The following BOD1L1 variants were observed in gnomAD, a reference collection of about 807,000 sequenced individuals.
BOD1L1 encodes the protein biorientation of chromosomes in cell division 1 like 1.
BOD1L1 carries 86 observed loss-of-function variants against 240.7 expected under a neutral mutation model. The observed-to-expected ratio is 0.36, with a 90% CI of 0.30 to 0.43. The LOEUF (loss-of-function observed/expected upper bound fraction) is 0.43. Among genes scored for constraint, BOD1L1 ranks in the 20% least tolerant of loss-of-function variants. The pLI is 1.00. For missense variants in BOD1L1, 3,554 were observed against 3,643.5 expected (o/e 0.98, Z 0.63); for synonymous variants, 1,268 against 1,272.3 (o/e 1.00, Z 0.07).
intron 10 of BOD1L1, among the ~76,000 whole-genome samples, chr4:13,598,396 G>A (rs570570656): frequency 1.3e-5 from 2 of 152,096 alleles, no homozygotes; most frequent in South Asian, 2.1e-4. Context: ...GGTTGGAATC[G>A]TGTTTGCCTT....
intron 2 of BOD1L1, among the ~76,000 whole-genome samples, chr4:13,616,140 T>C (rs1324417663): frequency 6.6e-6 from 1 of 152,240 alleles, no homozygotes; most frequent in Non-Finnish European, 1.5e-5. Flanking sequence ...ACAGGCACTA[T>C]GCTGGCCACT....
chr4:13,599,535 G>T lies in BOD1L1; in HGVS notation c.7365C>A (p.His2455Gln). Residue 2455 changes from histidine to glutamine, a missense_variant, in exon 10 of 26, where the codon CAC becomes CAA. This residue lies in a region of BOD1L1 where 3,393 missense variants were observed against 3,427.1 expected (regional missense o/e 0.99). Coordinates refer to ENST00000040738, the MANE Select transcript of BOD1L1 (RefSeq NM_148894.3). ...AGRGQKESTL[H>Q]LINAEEKNVL... The stretch of plus-strand genomic sequence containing the variant: ...CATTCTTCTCTTCTGCATTTATGAG[G>T]TGTAAAGTGCTCTCTTTCTGTCCTC... 6.2e-7 allele frequency: 1 copy of T among 1,613,978 alleles called. No homozygotes were observed. Among genetic ancestry groups the T allele is most frequent in the East Asian group, 2.2e-5 (1 of 44,878 alleles).
At chr4:13,573,120 C>A (rs919230336) in intron 25 of BOD1L1, among the ~76,000 whole-genome samples, 1 of 151,834 alleles carries the variant, frequency 6.6e-6, no homozygotes, top group Non-Finnish European at 1.5e-5. Flanking sequence ...ATATACTGGC[C>A]GACAAAATAA....
At position 13,599,492 on chromosome 4, in the gene BOD1L1, G is replaced by T. The variant is rs1443776141; in HGVS notation, c.7408C>A (p.Gln2470Lys). ...EEKNVLLNSL[Q>K]KEDKSPETGT... ...GTCTCTGGGCTCTTATCTTCTTTCT[G>T]AAGGGAGTTCAACAATACATTCTTC... Residue 2470 changes from glutamine to lysine, a missense_variant, in exon 10 of 26, where the codon CAG (glutamine) becomes AAG (lysine). Physicochemically the swap from Gln to Lys is moderately conservative, Grantham distance 53. This residue lies in a region of BOD1L1 where 3,393 missense variants were observed against 3,427.1 expected (regional missense o/e 0.99). Coordinates refer to ENST00000040738, the MANE Select transcript of BOD1L1 (RefSeq NM_148894.3). 1.2e-6 allele frequency: 2 copies of T among 1,613,994 alleles called. No individual in the cohort carries two copies. Among genetic ancestry groups the T allele is most frequent in the Non-Finnish European group, 1.7e-6 (2 of 1,179,882 alleles).
In BOD1L1 at chr4:13,614,305, T is replaced by G; in HGVS notation, c.1065A>C (p.Thr355=). ...CTTGTTTTTCATCTTTAACTTTCTG[T>G]GTATCTTCACTCTTTTTTGAGTGAT... ...KFDHSKKSED[T]QKVKDEKQAK... Residue 355 remains threonine, a synonymous_variant, in exon 4 of 26, where the codon ACA becomes ACC. Transcript: ENST00000040738. 6.5e-7 allele frequency: 1 copy of G among 1,549,808 alleles called. No individual in the cohort carries two copies. Among genetic ancestry groups the G allele is most frequent in the Non-Finnish European group, 8.7e-7 (1 of 1,146,626 alleles).
intron 1 of BOD1L1, chr4:13,624,959 A>C (rs935572840): frequency 2.0e-5 from 3 of 152,296 alleles, no homozygotes; most frequent in African/African-American, 7.2e-5. Flanking sequence ...ATGAACAGGG[A>C]ATCTTCTACT....
At position 13,603,291 on chromosome 4, in the gene BOD1L1, C is replaced by G; in HGVS notation, c.3609G>C (p.Leu1203Phe). 6.2e-7 allele frequency: 1 copy of G among 1,613,944 alleles called. No individual in the cohort carries two copies. The highest frequency in any genetic ancestry group is 2.2e-5 in the East Asian group (1 of 44,876). ...SEKHADHRST[L>F]TKKMHIQSAV... ...CACTTTGTATATGCATTTTCTTGGT[C>G]AAGGTGCTTCTATGATCGGCATGCT... Residue 1203 changes from leucine (L) to phenylalanine (F), a missense_variant, in exon 10 of 26, where the codon TTG becomes TTC. Physicochemically the swap from Leu to Phe is conservative, Grantham distance 22. Coordinates refer to ENST00000040738, the MANE Select transcript of BOD1L1 (RefSeq NM_148894.3).
At chr4:13,587,883 T>G in intron 15 of BOD1L1, 112 bp from the exon 16 acceptor site, 1 of 750,788 alleles carries the variant, frequency 1.3e-6, no homozygotes. Flanking sequence ...TATATAAATT[T>G]TTTAAAAATC....
Position 13,620,026 on chromosome 4 carries a change from A to C in BOD1L1, c.285T>G (p.Val95=). Residue 95 remains valine (V), a synonymous_variant, in exon 2 of 26, where the codon GTT becomes GTG. Transcript: ENST00000040738. ...ATGTGTGAGTTGCCAAGTGATTTGC[A>C]ACAAAGTTGTCAACACGCTGTCTCA... The part of the protein sequence containing the change: ...QNLRQRVDNF[V]ANHLATHTWS... The C allele has an allele frequency of 6.2e-7, 1 of 1,610,612 alleles. No homozygotes were observed. The highest frequency in any genetic ancestry group is 8.5e-7 in the Non-Finnish European group (1 of 1,178,160).
In BOD1L1 at chr4:13,583,319, T is replaced by C. The variant is rs141898252; in HGVS notation, c.8434-583A>G. Among the ~76,000 whole-genome samples, 802 of 152,296 alleles carry C rather than the reference T, an allele frequency of 5.3e-3. 7 individuals are homozygous for C. The highest frequency in any genetic ancestry group is 5.2e-3 in the Non-Finnish European group (351 of 68,022). Reference sequence around the variant, plus strand: ...AAAGTAGAATAAGATCAAGATGAAATAGGAAACTAAAGCTTTAATTTTACT... The same window carrying C: ...AAAGTAGAATAAGATCAAGATGAAACAGGAAACTAAAGCTTTAATTTTACT... On this transcript the variant is annotated intron_variant, in intron 17 of 25. Coordinates refer to ENST00000040738, the MANE Select transcript of BOD1L1 (RefSeq NM_148894.3).
chr4:13,600,099 T>C lies in BOD1L1; in HGVS notation c.6801A>G (p.Pro2267=), dbSNP rs1417897431. The C allele has an allele frequency of 6.2e-7, 1 of 1,613,832 alleles. No homozygotes were observed. Among genetic ancestry groups the C allele is most frequent in the Admixed American group, 1.7e-5 (1 of 60,010 alleles). Residue 2267 remains proline (P), a synonymous_variant, in exon 10 of 26, where the codon CCA becomes CCG. Transcript: ENST00000040738. ...STSSVEDCEG[P]VSSAVPQEEG... ...CCTCTTGAGGGACAGCACTGGACACTGGGCCCTCACAGTCTTCCACCGAGC... is the reference window on the plus strand; with the variant it reads ...CCTCTTGAGGGACAGCACTGGACACCGGGCCCTCACAGTCTTCCACCGAGC...
chr4:13,593,124 G>A (rs955203814), intron 12 of BOD1L1: 1 of 152,006 alleles, frequency 6.6e-6, no homozygotes, highest in African/African-American at 2.4e-5. Flanking sequence ...TGCTCAATGA[G>A]GTATAATGCA....
In BOD1L1 at chr4:13,602,566, C is replaced by A; in HGVS notation, c.4334G>T (p.Gly1445Val). ...KDGIAVDHVV[G>V]LNTEKYAETV... ...TTCAGCATATTTTTCTGTATTCAGG[C>A]CTACAACATGATCAACAGCAATGCC... Residue 1445 changes from glycine to valine, a missense_variant, in exon 10 of 26, where the codon GGC becomes GTC. Gly to Val is a moderately radical substitution (Grantham distance 109). Coordinates refer to ENST00000040738, the MANE Select transcript of BOD1L1 (RefSeq NM_148894.3). 6.2e-7 allele frequency: 1 copy of A among 1,614,010 alleles called. No homozygotes were observed.
intron 11 of BOD1L1, among the ~76,000 whole-genome samples, chr4:13,596,712 G>A (rs1248935716): frequency 4.6e-5 from 7 of 152,204 alleles, no homozygotes; most frequent in Non-Finnish European, 8.8e-5. Context: ...TCACACTGGA[G>A]GAGGGCTGGA....
At chr4:13,581,262 AT>A in intron 19 of BOD1L1, 55 bp from the exon 20 acceptor site, 1 of 1,247,218 alleles carries the variant, frequency 8.0e-7, no homozygotes, top group Non-Finnish European at 1.1e-6. Context: ...TTTATCCTTT[AT>A]TATATAAAGT....
Position 13,601,487 on chromosome 4 carries a change from T to G in BOD1L1, c.5413A>C (p.Ser1805Arg), listed in dbSNP as rs778601132. 15 of 1,614,036 alleles carry G rather than the reference T, an allele frequency of 9.3e-6. No homozygotes were observed. The highest frequency in any genetic ancestry group is 1.3e-5 in the Non-Finnish European group (15 of 1,179,902). Residue 1805 changes from serine (S) to arginine (R), a missense_variant, in exon 10 of 26, where the codon AGT becomes CGT. This residue lies in a region of BOD1L1 where 3,393 missense variants were observed against 3,427.1 expected (regional missense o/e 0.99). Coordinates refer to ENST00000040738, the MANE Select transcript of BOD1L1 (RefSeq NM_148894.3). The stretch of plus-strand genomic sequence containing the variant: ...CTGCTATCTTCTGAACCTGTGCAAC[T>G]TGCTGGCCCCTCTCCATCTTCTGTT... ...GITEDGEGPA[S>R]CTGSEDSSEG... is the part of the protein sequence containing the mutation.
Position 13,591,955 on chromosome 4 carries a change from T to G in BOD1L1, c.8116A>C (p.Arg2706=). 1 of 1,561,276 alleles carries G rather than the reference T, an allele frequency of 6.4e-7. No homozygotes were observed. The highest frequency in any genetic ancestry group is 8.7e-7 in the Non-Finnish European group (1 of 1,152,290). The change falls in exon 13 of 26, where the codon AGG becomes CGG. Residue 2706 remains arginine (R), a synonymous_variant. Transcript: ENST00000040738. ...GATTCATTCACCAACAAAGGCTCCCTCTGGAGTTCAGCTGTTCAAAAATAA... is the reference window on the plus strand; with the variant it reads ...GATTCATTCACCAACAAAGGCTCCCGCTGGAGTTCAGCTGTTCAAAAATAA... ...GKPSGIAELQ[R]EPLLVNESLN...
chr4:13,577,386 A>C lies in BOD1L1; in HGVS notation c.8884+17T>G. 1 of 1,606,430 alleles carries C rather than the reference A, an allele frequency of 6.2e-7. No homozygotes were observed. Among genetic ancestry groups the C allele is most frequent in the Non-Finnish European group, 8.5e-7 (1 of 1,176,812 alleles). ...TTTGAAACAATAAGACTTATTAAGA[A>C]TTTGCTAGAAACATACCAGCATCAT... On this transcript the variant is annotated intron_variant, in intron 24 of 25. Transcript: ENST00000040738.
chr4:13,571,323 G>T (rs1712189762), intron 25 of BOD1L1, among the ~76,000 whole-genome samples: 1 of 152,194 alleles, frequency 6.6e-6, no homozygotes, highest in African/African-American at 2.4e-5. Flanking sequence ...GGAGAAATGG[G>T]ACTCTTAGTG....
Sources: gnomAD v4.1 joint callset for allele counts (sites outside exome capture counted in the v4.1 genomes callset) on GRCh38, gnomAD v4.1.1 for gene constraint, gnomAD v4.1.1 regional missense constraint, MANE v1.5 for transcripts, NCBI Gene and HGNC (gene_info 2026-07-23, HGNC 2026-07-21) for gene names.